Variants in TECPR2 observed in about 807,000 individuals in gnomAD.
TECPR2 encodes tectonin beta-propeller repeat-containing protein 2.
TECPR2 carries 65 observed loss-of-function variants against 138.1 expected under a neutral mutation model. The ratio of observed to expected loss-of-function variants is 0.47; its 90% CI spans 0.39 to 0.58. The LOEUF is 0.58. Ranked by LOEUF, TECPR2 falls within the 20% of genes least tolerant of loss-of-function variation. The pLI is 0.00. For synonymous variants in TECPR2, 746 were observed against 749.8 expected (o/e 0.99, Z 0.08); for missense variants, 1,553 against 1,824.5 (o/e 0.85, Z 2.71).
chr14:102,475,675 A>C (rs1371588666), intron 17 of TECPR2, among the ~76,000 whole-genome samples: 1 of 152,142 alleles, frequency 6.6e-6, no homozygotes, highest in Non-Finnish European at 1.5e-5. Flanking sequence ...AGATTGCAAA[A>C]ATATCCAACA....
At chr14:102,490,863 T>C (rs1432625743) in intron 17 of TECPR2, among the ~76,000 whole-genome samples, 1 of 152,210 alleles carries the variant, frequency 6.6e-6, no homozygotes, top group Non-Finnish European at 1.5e-5. Flanking sequence ...TCAGACGACA[T>C]GTGCTAGTTC....
intron 5 of TECPR2, among the ~76,000 whole-genome samples, chr14:102,418,596 G>T (rs566816511): frequency 1.3e-5 from 2 of 150,100 alleles, no homozygotes; most frequent in East Asian, 2.0e-4. Context: ...GCCCCCTCCC[G>T]TCGGCTTTGT....
At chr14:102,385,875 G>A (rs1268179362) in intron 2 of TECPR2, among the ~76,000 whole-genome samples, 1 of 151,562 alleles carries the variant, frequency 6.6e-6, no homozygotes, top group Non-Finnish European at 1.5e-5. Context: ...GGTCGAGGTC[G>A]TAGTGAGCCG....
chr14:102,464,166 A>G (rs1441497225), intron 16 of TECPR2, among the ~76,000 whole-genome samples: 2 of 152,098 alleles, frequency 1.3e-5, no homozygotes, highest in Non-Finnish European at 2.9e-5. Flanking sequence ...GGATGATACT[A>G]ATCGTGTATC....
intron 17 of TECPR2, among the ~76,000 whole-genome samples, chr14:102,488,483 G>C (rs1011516421): frequency 2.0e-5 from 3 of 151,890 alleles, no homozygotes; most frequent in African/African-American, 7.3e-5. Context: ...GGGATTACAG[G>C]CGCCCCCCAC....
chr14:102,432,706 T>G (rs549064320), intron 8 of TECPR2, among the ~76,000 whole-genome samples: 3 of 151,886 alleles, frequency 2.0e-5, no homozygotes, highest in Admixed American at 2.0e-4. Context: ...GTTTTTAGTA[T>G]TTAAATTAAA....
chr14:102,378,693 C>T (rs1251407706), intron 2 of TECPR2, among the ~76,000 whole-genome samples: 2 of 152,084 alleles, frequency 1.3e-5, no homozygotes, highest in African/African-American at 2.4e-5. Context: ...GACATGATCT[C>T]GGCTCACTGC....
chr14:102,452,668 G>T, intron 16 of TECPR2, 41 bp downstream of exon 16: 4 of 1,486,594 alleles, frequency 2.7e-6, no homozygotes, highest in Non-Finnish European at 1.8e-6. Context: ...TGCCCTGACT[G>T]CCCTAAACCG....
chr14:102,363,117 G>A lies in TECPR2; in HGVS notation c.-73+1G>A. On this transcript the variant is annotated splice_donor_variant, in intron 1 of 19. Transcript: ENST00000359520. LOFTEE classifies it low-confidence loss of function (5UTR_SPLICE). Reference sequence around the variant, plus strand: ...GAGTCCGGAGGGGCTGCCGCGGGAGGTGAGTCCGGCGACGCCGCAAGCGGC... The same window carrying A: ...GAGTCCGGAGGGGCTGCCGCGGGAGATGAGTCCGGCGACGCCGCAAGCGGC... 2.5e-6 allele frequency: 1 copy of A among 397,780 alleles called. No homozygotes were observed. 24.6% of individuals were successfully genotyped at this position (397,780 alleles called of 1,614,324 possible).
rs534843138 is a variant in TECPR2, at chr14:102,457,193, TC to T, written c.3640+4568del. ...TCCGCCTCCTGGGTTCAAGTGATTC[TC>T]CTGCCTCAGCCTCCCGAGTAGCTGG... On this transcript the variant is annotated intron_variant, in intron 16 of 19. Transcript: ENST00000359520. Among the ~76,000 whole-genome samples, 163 of 152,156 alleles carry T rather than the reference TC, an allele frequency of 1.1e-3. 1 individual carries two copies. The highest frequency in any genetic ancestry group is 3.5e-3 in the African/African-American group (144 of 41,506).
Position 102,499,974 on chromosome 14 carries a change from G to T in TECPR2, c.*1717G>T, listed in dbSNP as rs538664799. 2 of 152,980 alleles carry T rather than the reference G, an allele frequency of 1.3e-5. No individual in the cohort carries two copies. Among genetic ancestry groups the T allele is most frequent in the African/African-American group, 4.8e-5 (2 of 41,586 alleles). 9.5% of individuals were successfully genotyped at this position (152,980 alleles called of 1,614,324 possible). A position where few individuals can be genotyped will look rare whatever the true frequency, so the allele number is the denominator to read the frequency against. ...TGGCAGCAGAGGCAGCCCCAGGCCG[G>T]GCTGCATCTCTCTGTGTCTGTTGTG... On this transcript the variant is annotated 3_prime_UTR_variant, in exon 20 of 20. Transcript: ENST00000359520.
At chr14:102,444,154 C>T (rs922302219) in intron 12 of TECPR2, among the ~76,000 whole-genome samples, 5 of 150,066 alleles carry the variant, frequency 3.3e-5, no homozygotes, top group Admixed American at 2.6e-4. Flanking sequence ...AAATATTTTT[C>T]TTTATTTTCA....
intron 2 of TECPR2, among the ~76,000 whole-genome samples, chr14:102,398,784 G>T (rs1425237330): frequency 6.6e-6 from 1 of 152,152 alleles, no homozygotes; most frequent in Non-Finnish European, 1.5e-5. Context: ...GAGCCTGGAA[G>T]GTCGAGGCTG....
In TECPR2 at chr14:102,438,085, G is replaced by A; in HGVS notation, c.2458G>A (p.Glu820Lys). The A allele has an allele frequency of 1.2e-6, 2 of 1,614,154 alleles. No individual in the cohort carries two copies. Among genetic ancestry groups the A allele is most frequent in the South Asian group, 1.1e-5 (1 of 91,076 alleles). ...TGGCATCCTCAGCTTGGTGGTCTCC[G>A]AGAAGTATATCTGGTGCCTGGACTA... ...GYGILSLVVSEKYIWCLDYKG... is the reference protein window; with the variant it reads ...GYGILSLVVSKKYIWCLDYKG... Residue 820 changes from glutamate to lysine, a missense_variant, in exon 10 of 20, where the codon GAG (glutamate) becomes AAG (lysine). By Grantham distance (56) the Glu-to-Lys change is moderately conservative. Coordinates refer to ENST00000359520, the MANE Select transcript of TECPR2 (RefSeq NM_014844.5).
rs554924965 is a variant in TECPR2, at chr14:102,420,109, T to G, written c.639-4870T>G. Among the ~76,000 whole-genome samples, 60 of 152,296 alleles carry G rather than the reference T, an allele frequency of 3.9e-4. No individual in the cohort carries two copies. The highest frequency in any genetic ancestry group is 7.2e-4 in the Non-Finnish European group (49 of 68,020). Reference sequence around the variant, plus strand: ...GTATCAGCTCTGTGGCACCATACATTATGCACAAAATCATAAAACACCATT... The same window carrying G: ...GTATCAGCTCTGTGGCACCATACATGATGCACAAAATCATAAAACACCATT... On this transcript the variant is annotated intron_variant, in intron 5 of 19. Coordinates refer to ENST00000359520, the MANE Select transcript of TECPR2 (RefSeq NM_014844.5). This position sits in a 1 kb window ranked among gnomAD's most constrained non-coding sequence, Gnocchi z 4.1.
rs142448174 is a variant in TECPR2 at position 102,421,331 on chromosome 14, G to A, written c.639-3648G>A. Among the ~76,000 whole-genome samples the A allele has an allele frequency of 2.0e-4, 31 of 152,314 alleles. No homozygotes were observed. The East Asian group carries it at 6.0e-3, about 29-fold the overall frequency. On this transcript the variant is annotated intron_variant, in intron 5 of 19. Transcript: ENST00000359520. ...AATCAGATACGATGCTGTTGATAGA[G>A]TTGTCCATAAAAGATCCACGATGTC...
At chr14:102,482,065 T>G (rs1471359311) in intron 17 of TECPR2, among the ~76,000 whole-genome samples, 1 of 152,124 alleles carries the variant, frequency 6.6e-6, no homozygotes, top group East Asian at 1.9e-4. Context: ...TCTTTTTTTT[T>G]TTGAGACAGA....
rs544741646 is a variant in TECPR2, at chr14:102,439,892, A to G, written c.2579-544A>G. ...TCTCTCCTCCTCCATCTCTTCATCAAAGTCCTCTTCACAGTGAAAACAGGC... is the reference window on the plus strand; with the variant it reads ...TCTCTCCTCCTCCATCTCTTCATCAGAGTCCTCTTCACAGTGAAAACAGGC... On this transcript the variant is annotated intron_variant, in intron 10 of 19. Transcript: ENST00000359520. Among the ~76,000 whole-genome samples, 17 of 152,198 alleles carry G rather than the reference A, an allele frequency of 1.1e-4. No individual in the cohort carries two copies. In the South Asian group the frequency reaches 3.3e-3, roughly 30 times the overall value.
intron 4 of TECPR2, among the ~76,000 whole-genome samples, chr14:102,411,269 TTAA>T (rs1315055363): frequency 6.6e-6 from 1 of 152,242 alleles, no homozygotes; most frequent in African/African-American, 2.4e-5. Flanking sequence ...ATTTTTCTTA[TTAA>T]TATAAGAAGG....
Sources: allele counts gnomAD v4.1 joint callset (sites outside exome capture counted in the v4.1 genomes callset), GRCh38; gene constraint gnomAD v4.1.1; non-coding constraint Gnocchi (gnomAD v3.1); transcripts MANE v1.5; gene names NCBI Gene and HGNC (gene_info 2026-07-23, HGNC 2026-07-21).